Variants in MIIP observed in about 807,000 individuals in gnomAD.
MIIP encodes the protein migration and invasion inhibitory protein.
A neutral mutation model predicts 44.8 loss-of-function variants in MIIP; 44 were observed. The observed-to-expected ratio is 0.98, with a 90% CI of 0.77 to 1.26. The LOEUF is 1.26. Ranked by LOEUF, MIIP falls within the 50% of genes most tolerant of loss-of-function variation. The probability of loss-of-function intolerance (pLI) is 0.00; values close to 1 mark genes in which losing one functional copy is unlikely to be tolerated. For synonymous variants in MIIP, 225 were observed against 218.3 expected (o/e 1.03, Z -0.27); for missense variants, 496 against 511.7 (o/e 0.97, Z 0.30).
In MIIP at chr1:12,021,829, G is replaced by A; in HGVS notation, c.103G>A (p.Ala35Thr). Reference sequence around the variant, plus strand: ...TGCTGTGCGGCGGTCAGTGGCCAGGGCAGCCTCGGAGGTGCGTGCCCGCCT... The same window carrying A: ...TGCTGTGCGGCGGTCAGTGGCCAGGACAGCCTCGGAGGTGCGTGCCCGCCT... The part of the protein sequence containing the change: ...QDAVRRSVAR[A>T]ASESSLESSS... The change falls in exon 2 of 10, where the codon GCA becomes ACA. Residue 35 changes from alanine to threonine, a missense_variant. Transcript: ENST00000235332. 1 of 1,608,314 alleles carries A rather than the reference G, an allele frequency of 6.2e-7. No homozygotes were observed.
intron 8 of MIIP, among the ~76,000 whole-genome samples, chr1:12,030,339 C>G (rs1640212252): frequency 6.6e-6 from 1 of 152,132 alleles, no homozygotes; most frequent in South Asian, 2.1e-4. Context: ...GGTGATCTGC[C>G]TGCAGGCTGG....
Position 12,031,738 on chromosome 1 carries a change from T to TG in MIIP, c.1098dup (p.Leu367AlafsTer95), listed in dbSNP as rs1640247848. The TG allele has an allele frequency of 6.2e-7, 1 of 1,613,926 alleles. No homozygotes were observed. The highest frequency in any genetic ancestry group is 1.3e-5 in the African/African-American group (1 of 74,882). ...CCCATCCAGGCCTCACCAATGCAGA[T>TG]GCTGCCCCCGACCCCGACCTGGTCA... On this transcript the variant is annotated frameshift_variant, in exon 10 of 10. Transcript: ENST00000235332. LOFTEE classifies it low-confidence loss of function (END_TRUNC).
At chr1:12,030,729 C>G (rs1640223739) in intron 8 of MIIP, among the ~76,000 whole-genome samples, 1 of 149,266 alleles carries the variant, frequency 6.7e-6, no homozygotes, top group Non-Finnish European at 1.5e-5. Flanking sequence ...GAGCTGAGAT[C>G]TCGCCACTGC....
At chr1:12,025,501 G>A (rs1340037103) in intron 4 of MIIP, among the ~76,000 whole-genome samples, 3 of 152,176 alleles carry the variant, frequency 2.0e-5, no homozygotes, top group African/African-American at 7.2e-5. Context: ...TGACATGGTT[G>A]TGCACTGTCA....
intron 4 of MIIP, among the ~76,000 whole-genome samples, chr1:12,023,271 C>T (rs967265378): frequency 3.3e-5 from 5 of 150,914 alleles, no homozygotes; most frequent in Non-Finnish European, 7.4e-5. Context: ...CCTGTATTGG[C>T]CAGGCTGGTC....
chr1:12,030,183 G>T, intron 8 of MIIP, 59 bp downstream of exon 8: 1 of 1,521,936 alleles, frequency 6.6e-7, no homozygotes, highest in Non-Finnish European at 9.1e-7. Flanking sequence ...GACTGGCCCA[G>T]ATCCCCAGGG....
In MIIP at chr1:12,022,250, G is replaced by A. The variant is rs763973030; in HGVS notation, c.270G>A (p.Ser90=). 27 of 1,613,224 alleles carry A rather than the reference G, an allele frequency of 1.7e-5. No homozygotes were observed. The highest frequency in any genetic ancestry group is 1.6e-4 in the East Asian group (7 of 44,886). ...CRGDLRDVAR[S]GVASLPPAKC... ...GGGACCTCCGTGATGTGGCCAGATC[G>A]GGGGTGGCCTCTCTCCCACCTGCCA... Residue 90 remains serine (S), a synonymous_variant, in exon 3 of 10, where the codon TCG becomes TCA. Transcript: ENST00000235332.
rs763292271 is a variant in MIIP at position 12,031,301 on chromosome 1, G to A, written c.978G>A (p.Lys326=). ...CLLGWDIFPP[K]SEKSSAPRNL... Reference sequence around the variant, plus strand: ...TGGGCTGGGACATTTTTCCTCCGAAGTCTGAGAAAAGCTCAGCCCCCAGGA... The same window carrying A: ...TGGGCTGGGACATTTTTCCTCCGAAATCTGAGAAAAGCTCAGCCCCCAGGA... Residue 326 remains lysine, a synonymous_variant, in exon 9 of 10, where the codon AAG becomes AAA. Coordinates refer to ENST00000235332, the MANE Select transcript of MIIP (RefSeq NM_021933.4). The A allele has an allele frequency of 4.3e-6, 7 of 1,613,802 alleles. No homozygotes were observed. Among genetic ancestry groups the A allele is most frequent in the Non-Finnish European group, 2.5e-6 (3 of 1,179,914 alleles).
chr1:12,026,464 C>T (rs906192139), intron 4 of MIIP, among the ~76,000 whole-genome samples: 2 of 152,152 alleles, frequency 1.3e-5, no homozygotes, highest in African/African-American at 4.8e-5. Context: ...TTGGTCCATG[C>T]GCTCTGCTCC....
At chr1:12,029,341 C>T in intron 6 of MIIP, 60 bp downstream of exon 6, 2 of 1,535,532 alleles carry the variant, frequency 1.3e-6, no homozygotes, top group Non-Finnish European at 1.8e-6. Flanking sequence ...CCCTGGCCTC[C>T]CCTGCCCCAG....
At position 12,029,260 on chromosome 1, in the gene MIIP, G is replaced by A. The variant is rs774247318; in HGVS notation, c.694G>A (p.Gly232Ser). 3.7e-6 allele frequency: 6 copies of A among 1,613,514 alleles called. No homozygotes were observed. The highest frequency in any genetic ancestry group is 2.2e-5 in the South Asian group (2 of 91,088). ...AGGCCTGCGTGAGAGCAGTGGCAGCGGCGTGGAGGAAGACCATGAATGTGA... is the reference window on the plus strand; with the variant it reads ...AGGCCTGCGTGAGAGCAGTGGCAGCAGCGTGGAGGAAGACCATGAATGTGA... ...LPGLRESSGSGVEEDHECVYC... is the reference protein window; with the variant it reads ...LPGLRESSGSSVEEDHECVYC... Residue 232 changes from glycine to serine, a missense_variant, in exon 6 of 10, where the codon GGC becomes AGC. By Grantham distance (56) the Gly-to-Ser change is moderately conservative. Coordinates refer to ENST00000235332, the MANE Select transcript of MIIP (RefSeq NM_021933.4).
rs762551658 is a variant in MIIP at position 12,029,023 on chromosome 1, C to T, written c.548-10C>T. ...CTCCCGTCAGCTGCCTGGTGCTTTGCCCACACCAGGGTCTCTGGACACCAG... is the reference window on the plus strand; with the variant it reads ...CTCCCGTCAGCTGCCTGGTGCTTTGTCCACACCAGGGTCTCTGGACACCAG... On this transcript the variant is annotated splice_polypyrimidine_tract_variant and intron_variant, in intron 4 of 9. Coordinates refer to ENST00000235332, the MANE Select transcript of MIIP (RefSeq NM_021933.4). The T allele has an allele frequency of 5.0e-6, 8 of 1,605,678 alleles. No individual in the cohort carries two copies. The African/African-American group carries it at 5.4e-5, about 11-fold the overall frequency.
chr1:12,023,007 C>T (rs933371690), intron 4 of MIIP, 90 bp downstream of exon 4: 21 of 998,692 alleles, frequency 2.1e-5, no homozygotes, highest in East Asian at 8.1e-5. Context: ...AGCCTCCACC[C>T]GGTGCTGTTG....
At chr1:12,031,628 CT>C in intron 9 of MIIP, 93 bp from the exon 10 acceptor site, 9 of 1,613,158 alleles carry the variant, frequency 5.6e-6, no homozygotes, top group Middle Eastern at 1.7e-4. Context: ...GAAGGCCACC[CT>C]GACTGCAAGA....
rs996328703 is a variant in MIIP at position 12,023,779 on chromosome 1, A to C, written c.547+862A>C. 4.6e-5 allele frequency among the ~76,000 whole-genome samples: 7 copies of C among 151,546 alleles called. No individual in the cohort carries two copies. In the South Asian group the frequency reaches 1.5e-3, roughly 32 times the overall value. On this transcript the variant is annotated intron_variant, in intron 4 of 9. Transcript: ENST00000235332. ...GGGAGGATGAGGTGGGCGGATCACG[A>C]GGTCAGGAGTTTGAGACCAGCTTGA...
chr1:12,027,731 T>A (rs1190162588), intron 4 of MIIP, among the ~76,000 whole-genome samples: 1 of 152,188 alleles, frequency 6.6e-6, no homozygotes, highest in Non-Finnish European at 1.5e-5. Context: ...TATCCCACTG[T>A]CTTCTCCACA....
rs1266860010 is a variant in MIIP, at chr1:12,021,711, C to T, written c.-16C>T. On this transcript the variant is annotated 5_prime_UTR_variant, in exon 2 of 10. Coordinates refer to ENST00000235332, the MANE Select transcript of MIIP (RefSeq NM_021933.4). ...GCGGCCCAGGGGCAAGTGACACCTG[C>T]TGAGAGAGGCCCAGGATGGTGGAGG... 2.5e-6 allele frequency: 4 copies of T among 1,610,312 alleles called. No individual in the cohort carries two copies. Among genetic ancestry groups the T allele is most frequent in the South Asian group, 1.1e-5 (1 of 90,730 alleles).
chr1:12,026,081 A>G (rs1640100549), intron 4 of MIIP, among the ~76,000 whole-genome samples: 1 of 151,698 alleles, frequency 6.6e-6, no homozygotes, highest in Non-Finnish European at 1.5e-5. Flanking sequence ...GAGGTGGGCG[A>G]ATCACTTGAG....
chr1:12,030,609 C>T (rs550367016), intron 8 of MIIP, among the ~76,000 whole-genome samples: 22 of 123,170 alleles, frequency 1.8e-4, no homozygotes, highest in African/African-American at 6.6e-4. Flanking sequence ...ACTGCCCAGG[C>T]TGGAGTGCAT....
Sources: allele counts gnomAD v4.1 joint callset (sites outside exome capture counted in the v4.1 genomes callset), GRCh38; gene constraint gnomAD v4.1.1; transcripts MANE v1.5; gene names NCBI Gene and HGNC (gene_info 2026-07-23, HGNC 2026-07-21).